Variants in RNF125 observed in about 807,000 individuals in gnomAD.
RNF125 encodes ring finger protein 125.
A neutral mutation model predicts 26.0 loss-of-function variants in RNF125; 21 were observed. The observed-to-expected ratio is 0.81, with a 90% CI of 0.57 to 1.16. The LOEUF (loss-of-function observed/expected upper bound fraction) is 1.16. Among genes scored for constraint, RNF125 ranks in the 50% most tolerant of loss-of-function variants. RNF125 has a pLI of 0.00. For missense variants in RNF125, 270 were observed against 299.4 expected (o/e 0.90, Z 0.72); for synonymous variants, 95 against 109.2 (o/e 0.87, Z 0.81).
At chr18:32,029,898 T>C (rs911472300) in intron 1 of RNF125, among the ~76,000 whole-genome samples, 1 of 151,958 alleles carries the variant, frequency 6.6e-6, no homozygotes, top group Non-Finnish European at 1.5e-5. Flanking sequence ...GGAGACTGAG[T>C]TATCTAAAAA....
At chr18:32,080,564 C>G in the RNF125 span, among the ~76,000 whole-genome samples, 2 of 152,148 alleles carry the variant, frequency 1.3e-5, no homozygotes, top group East Asian at 3.8e-4. Context: ...TGATCAAACT[C>G]TTAGAATGGT....
At chr18:32,024,734 A>G (rs2039017164) in intron 1 of RNF125, among the ~76,000 whole-genome samples, 1 of 152,074 alleles carries the variant, frequency 6.6e-6, no homozygotes, top group South Asian at 2.1e-4. Flanking sequence ...AGCACTCCCA[A>G]ACTGCTGGGA....
chr18:32,060,342 G>A (rs2039423216), intron 4 of RNF125, among the ~76,000 whole-genome samples: 1 of 152,190 alleles, frequency 6.6e-6, no homozygotes, highest in African/African-American at 2.4e-5. Flanking sequence ...TCATTGTTGC[G>A]GGTGGGTTGG....
At chr18:32,076,057 A>G (rs149749707), downstream of RNF125, 1,768 of 717,176 alleles carry the variant, frequency 2.5e-3, 47 homozygotes, top group East Asian at 0.043. Context: ...GGGGCTAATC[A>G]CTCTACACTT....
intron 1 of RNF125, among the ~76,000 whole-genome samples, chr18:32,020,975 G>A (rs1039819920): frequency 6.6e-6 from 1 of 152,220 alleles, no homozygotes; most frequent in African/African-American, 2.4e-5. Context: ...CTATAGCCTT[G>A]TATCTGAAAA....
chr18:32,077,321 A>C (rs1027662368), downstream of RNF125, among the ~76,000 whole-genome samples: 6 of 143,172 alleles, frequency 4.2e-5, no homozygotes, highest in Admixed American at 1.5e-4. Context: ...GCGACATAGC[A>C]ACCCCTCTCC....
chr18:32,053,120 C>T (rs375329067), intron 4 of RNF125, among the ~76,000 whole-genome samples: 191 of 152,156 alleles, frequency 1.3e-3, no homozygotes, highest in African/African-American at 3.9e-3. Flanking sequence ...CCCAGCCCTT[C>T]GGGAGGCCGA....
the RNF125 span, among the ~76,000 whole-genome samples, chr18:32,081,902 G>T: frequency 1.3e-5 from 2 of 152,198 alleles, no homozygotes; most frequent in Admixed American, 6.5e-5. Flanking sequence ...AAAAAAGGAA[G>T]TTGGGAATTG....
chr18:32,068,301 T>C lies in RNF125; in HGVS notation c.616T>C (p.Phe206Leu), dbSNP rs1390406490. ...TAATTATTTTTCTTTATTGTAGGAT[T>C]TTAATATAATTGAGGAAGCTCTTAT... ...HTLFYDDFID[F>L]NIIEEALIRR... The change falls in exon 6 of 6, where the codon TTT becomes CTT. Residue 206 changes from phenylalanine (F) to leucine (L), a missense_variant. Transcript: ENST00000217740. 1 of 1,521,796 alleles carries C rather than the reference T, an allele frequency of 6.6e-7. No homozygotes were observed. The highest frequency in any genetic ancestry group is 9.1e-7 in the Non-Finnish European group (1 of 1,098,530). 94.3% of individuals were successfully genotyped at this position (1,521,796 alleles called of 1,614,324 possible). A position where few individuals can be genotyped will look rare whatever the true frequency, so the allele number is the denominator to read the frequency against.
At chr18:32,033,571 A>C (rs2144453779) in intron 1 of RNF125, among the ~76,000 whole-genome samples, 1 of 149,364 alleles carries the variant, frequency 6.7e-6, no homozygotes, top group African/African-American at 2.5e-5. Flanking sequence ...CTGTAATCCC[A>C]GCACTTTGGG....
intron 2 of RNF125, among the ~76,000 whole-genome samples, chr18:32,039,231 C>G (rs1404403725): frequency 1.3e-5 from 2 of 151,736 alleles, no homozygotes; most frequent in Admixed American, 6.6e-5. Context: ...CTTGTCTCTA[C>G]TAAAAATCAA....
intron 2 of RNF125, among the ~76,000 whole-genome samples, chr18:32,038,214 A>C (rs181655445): frequency 2.8e-4 from 42 of 151,966 alleles, no homozygotes; most frequent in African/African-American, 1.0e-3. Context: ...ATGTCTGGCT[A>C]ATTTTTTGTC....
the RNF125 span, among the ~76,000 whole-genome samples, chr18:32,079,541 C>T: frequency 6.6e-6 from 1 of 152,186 alleles, no homozygotes; most frequent in Non-Finnish European, 1.5e-5. Context: ...GAAAGCAGCC[C>T]TGTGTCTAAA....
chr18:32,080,342 T>C, the RNF125 span, among the ~76,000 whole-genome samples: 3,511 of 152,338 alleles, frequency 0.023, 49 homozygotes, highest in Non-Finnish European at 0.037. Flanking sequence ...CCACTATGTT[T>C]TGATATACCT....
At chr18:32,085,233 G>C in the RNF125 span, among the ~76,000 whole-genome samples, 1 of 152,156 alleles carries the variant, frequency 6.6e-6, no homozygotes, top group Non-Finnish European at 1.5e-5. Context: ...CATTAAAAGA[G>C]CAGAAAGGCC....
At chr18:32,075,428 TCATGCCTGTA>T (rs2039563618), downstream of RNF125, among the ~76,000 whole-genome samples, 1 of 152,084 alleles carries the variant, frequency 6.6e-6, no homozygotes, top group African/African-American at 2.4e-5. Context: ...GCACAGTGGC[TCATGCCTGTA>T]ATCCCAGCAC....
At chr18:32,050,539 A>G (rs567980151) in intron 4 of RNF125, among the ~76,000 whole-genome samples, 10 of 152,054 alleles carry the variant, frequency 6.6e-5, no homozygotes, top group South Asian at 4.2e-4. Flanking sequence ...AGATCTTGCT[A>G]TGTTGCCCAG....
chr18:32,055,965 G>A (rs1266590479), intron 4 of RNF125, among the ~76,000 whole-genome samples: 1 of 82,350 alleles, frequency 1.2e-5, no homozygotes, highest in Non-Finnish European at 2.2e-5. Flanking sequence ...GGTAACAAGA[G>A]TGAAACTCCA....
intron 4 of RNF125, among the ~76,000 whole-genome samples, chr18:32,051,743 G>A (rs1425590808): frequency 3.5e-5 from 5 of 140,894 alleles, no homozygotes; most frequent in Non-Finnish European, 7.6e-5. Context: ...TTGCCAGGCT[G>A]GAGTGTAGTG....
Sources: allele counts gnomAD v4.1 joint callset (sites outside exome capture counted in the v4.1 genomes callset), GRCh38; gene constraint gnomAD v4.1.1; transcripts MANE v1.5; gene names NCBI Gene and HGNC (gene_info 2026-07-23, HGNC 2026-07-21).